Variants in VPS8 observed in about 807,000 individuals in gnomAD.
VPS8 encodes the protein vacuolar protein sorting-associated protein 8 homolog.
VPS8 carries 129 observed loss-of-function variants against 216.4 expected under a neutral mutation model. The ratio of observed to expected loss-of-function variants is 0.60; its 90% confidence interval spans 0.52 to 0.69. The LOEUF (loss-of-function observed/expected upper bound fraction) is 0.69, where lower values mean the gene tolerates loss of function less well. VPS8 is among the 30% of genes least tolerant of loss of function. The pLI is 0.00. For missense variants in VPS8, 1,531 were observed against 1,683.5 expected (o/e 0.91, Z 1.59); for synonymous variants, 571 against 565.4 (o/e 1.01, Z -0.14).
chr3:184,911,150 AG>A (rs1260037788), intron 25 of VPS8, among the ~76,000 whole-genome samples: 2 of 152,226 alleles, frequency 1.3e-5, no homozygotes, highest in African/African-American at 2.4e-5. Context: ...GGGAAGAGAA[AG>A]GTTGTAGAAA....
At chr3:185,014,587 A>T (rs1755521328) in intron 45 of VPS8, among the ~76,000 whole-genome samples, 1 of 152,200 alleles carries the variant, frequency 6.6e-6, no homozygotes, top group South Asian at 2.1e-4. Context: ...GTTTCTGTAG[A>T]TGCTGTTCAG....
rs548490145 is a variant in VPS8, at chr3:184,890,642, A to T, written c.1782-4061A>T. Among the ~76,000 whole-genome samples the T allele has an allele frequency of 8.5e-5, 13 of 152,234 alleles. No individual in the cohort carries two copies. The South Asian group carries it at 2.7e-3, about 32-fold the overall frequency. On this transcript the variant is annotated intron_variant, in intron 22 of 47. Transcript: ENST00000625842. ...TATGTATTCCTATTTATATTTAATA[A>T]CACTTTTATAATGTAAAATCATTTT... is the stretch of plus-strand genomic sequence containing the variant.
chr3:184,961,067 T>C (rs1746424905), intron 37 of VPS8, among the ~76,000 whole-genome samples: 1 of 152,196 alleles, frequency 6.6e-6, no homozygotes, highest in African/African-American at 2.4e-5. Context: ...AGTAAAAATA[T>C]TGAAAGGAGA....
intron 14 of VPS8, among the ~76,000 whole-genome samples, chr3:184,856,828 C>T (rs991220881): frequency 1.3e-5 from 2 of 152,072 alleles, no homozygotes; most frequent in Non-Finnish European, 2.9e-5. Context: ...ATGACCTTCC[C>T]TGGCCTCTGA....
At chr3:184,825,886 G>A (rs1477183478) in intron 2 of VPS8, among the ~76,000 whole-genome samples, 1 of 150,442 alleles carries the variant, frequency 6.6e-6, no homozygotes, top group Non-Finnish European at 1.5e-5. Context: ...GGGCATCACA[G>A]CAAGACTCTG....
intron 12 of VPS8, 34 bp downstream of exon 12, chr3:184,854,044 T>A (rs1296515353): frequency 6.2e-7 from 1 of 1,612,590 alleles, no homozygotes; most frequent in Non-Finnish European, 8.5e-7. Context: ...CTCAGAACTT[T>A]TAGAAGCTTT....
intron 45 of VPS8, among the ~76,000 whole-genome samples, chr3:185,004,577 G>A (rs1372746242): frequency 6.6e-6 from 1 of 152,154 alleles, no homozygotes; most frequent in South Asian, 2.1e-4. Flanking sequence ...GAGTAAAGTG[G>A]TGTCTTATTG....
chr3:185,025,056 T>TA (rs911408773), intron 46 of VPS8, among the ~76,000 whole-genome samples: 5 of 152,096 alleles, frequency 3.3e-5, no homozygotes, highest in East Asian at 1.9e-4. Context: ...GAGCTGTGCC[T>TA]AAAAAAACTG....
At chr3:184,891,001 G>A (rs1732237732) in intron 22 of VPS8, among the ~76,000 whole-genome samples, 1 of 151,854 alleles carries the variant, frequency 6.6e-6, no homozygotes, top group Non-Finnish European at 1.5e-5. Flanking sequence ...TAGCCCTAAT[G>A]TCAGTTTTAC....
At chr3:185,017,023 C>T (rs1674247554) in intron 45 of VPS8, among the ~76,000 whole-genome samples, 1 of 151,836 alleles carries the variant, frequency 6.6e-6, no homozygotes, top group Non-Finnish European at 1.5e-5. Flanking sequence ...AGTCTCATAC[C>T]AAGGACATAC....
In VPS8 at chr3:184,853,954, T is replaced by A. The variant is rs2108675991; in HGVS notation, c.919T>A (p.Leu307Met). The change falls in exon 12 of 48, where the codon TTG becomes ATG. Residue 307 changes from leucine (L) to methionine (M), a missense_variant. Physicochemically the swap from Leu to Met is conservative, Grantham distance 15 (BLOSUM62 2). Coordinates refer to ENST00000625842, the MANE Select transcript of VPS8 (RefSeq NM_001009921.3). ...CIEPLHSKPE[L>M]KDHPITQFSL... ...TGAGCCTCTGCATTCTAAGCCTGAG[T>A]TGAAAGATCATCCCATCACACAGTT... The A allele has an allele frequency of 1.2e-6, 2 of 1,613,544 alleles. No individual in the cohort carries two copies. The highest frequency in any genetic ancestry group is 8.5e-7 in the Non-Finnish European group (1 of 1,179,736).
rs1370923519 is a variant in VPS8, at chr3:184,826,201, T to C, written c.192T>C (p.Thr64=). Residue 64 remains threonine (T), a synonymous_variant, in exon 3 of 48, where the codon ACT becomes ACC. Coordinates refer to ENST00000625842, the MANE Select transcript of VPS8 (RefSeq NM_001009921.3). Reference sequence around the variant, plus strand: ...AGTTTGATATTCCTCAAGTTGATACTCCTCCAACACTGGAAAGCATACTAA... The same window carrying C: ...AGTTTGATATTCCTCAAGTTGATACCCCTCCAACACTGGAAAGCATACTAA... ...DKEFDIPQVD[T]PPTLESILNE... is the part of the protein sequence containing the mutation. 1.9e-6 allele frequency: 3 copies of C among 1,611,574 alleles called. No homozygotes were observed. Among genetic ancestry groups the C allele is most frequent in the Non-Finnish European group, 2.5e-6 (3 of 1,178,830 alleles).
chr3:184,924,822 C>A (rs1242191580), intron 29 of VPS8, 40 bp from the exon 30 acceptor site: 3 of 1,555,996 alleles, frequency 1.9e-6, no homozygotes, highest in Non-Finnish European at 1.7e-6. Context: ...TGCATCAAAC[C>A]AAATGGTGTA....
At chr3:184,865,696 TA>T (rs1727215283) in intron 16 of VPS8, among the ~76,000 whole-genome samples, 1 of 152,102 alleles carries the variant, frequency 6.6e-6, no homozygotes, top group Non-Finnish European at 1.5e-5. Context: ...AATTAAAAGG[TA>T]AACATTGAGG....
At chr3:184,889,221 A>AT (rs1348682793) in intron 22 of VPS8, among the ~76,000 whole-genome samples, 5 of 152,072 alleles carry the variant, frequency 3.3e-5, no homozygotes, top group African/African-American at 1.2e-4. Flanking sequence ...TTATTTCTTT[A>AT]TTTTTGTCAA....
intron 46 of VPS8, among the ~76,000 whole-genome samples, chr3:185,038,522 T>C (rs1299541106): frequency 6.6e-6 from 1 of 152,234 alleles, no homozygotes; most frequent in Non-Finnish European, 1.5e-5. Context: ...AGGTTGTATT[T>C]TCATTAAATC....
chr3:184,915,753 G>A (rs1737441661), intron 28 of VPS8, among the ~76,000 whole-genome samples: 2 of 152,204 alleles, frequency 1.3e-5, no homozygotes, highest in Non-Finnish European at 1.5e-5. Context: ...AGGGTGCAGT[G>A]AGCTGAGATT....
In VPS8 at chr3:184,955,261, T is replaced by C. The variant is rs1436802439; in HGVS notation, c.3036-2113T>C. 4.6e-5 allele frequency among the ~76,000 whole-genome samples: 7 copies of C among 152,346 alleles called. No individual in the cohort carries two copies. In the East Asian group the frequency reaches 1.2e-3, roughly 25 times the overall value. Reference sequence around the variant, plus strand: ...TGGTCACTCTCCTTGTCCACTTTCATGTTCCTCCCGTACTCCTGGTTCCTC... The same window carrying C: ...TGGTCACTCTCCTTGTCCACTTTCACGTTCCTCCCGTACTCCTGGTTCCTC... On this transcript the variant is annotated intron_variant, in intron 36 of 47. Coordinates refer to ENST00000625842, the MANE Select transcript of VPS8 (RefSeq NM_001009921.3).
intron 16 of VPS8, 92 bp from the exon 17 acceptor site, chr3:184,866,784 C>T: frequency 4.2e-6 from 5 of 1,182,496 alleles, no homozygotes; most frequent in Middle Eastern, 2.1e-4. Context: ...AGACGTGTAA[C>T]TAATAAGTCA....
Sources: allele counts gnomAD v4.1 joint callset (sites outside exome capture counted in the v4.1 genomes callset), GRCh38; gene constraint gnomAD v4.1.1; transcripts MANE v1.5; gene names NCBI Gene and HGNC (gene_info 2026-07-23, HGNC 2026-07-21).